The following GAP43 variants were observed in gnomAD, a reference collection of about 807,000 sequenced individuals.
GAP43 encodes neuromodulin.
A neutral mutation model predicts 18.6 loss-of-function variants in GAP43; 6 were observed. That is an observed-to-expected ratio of 0.32 (90% confidence interval 0.18 to 0.64). The LOEUF is 0.64. GAP43 is among the 30% of genes least tolerant of loss of function. The probability of loss-of-function intolerance (pLI) is 0.78; values close to 1 mark genes in which losing one functional copy is unlikely to be tolerated. For synonymous variants in GAP43, 115 were observed against 111.4 expected (o/e 1.03, Z -0.20); for missense variants, 292 against 295.5 (o/e 0.99, Z 0.09).
intron 2 of GAP43, among the ~76,000 whole-genome samples, chr3:115,683,775 G>A (rs1034973060): frequency 3.3e-5 from 5 of 152,274 alleles, no homozygotes; most frequent in Non-Finnish European, 5.9e-5. Context: ...TCGGTAGACT[G>A]TCATTAAAAC....
chr3:115,692,495 G>C (rs774182783), intron 2 of GAP43, among the ~76,000 whole-genome samples: 1 of 152,208 alleles, frequency 6.6e-6, no homozygotes, highest in Non-Finnish European at 1.5e-5. Context: ...CTCAGTACCA[G>C]TATAGAACAA....
chr3:115,630,856 A>T (rs909121001), intron 1 of GAP43, among the ~76,000 whole-genome samples: 4 of 152,210 alleles, frequency 2.6e-5, no homozygotes, highest in African/African-American at 9.7e-5. Context: ...CTTTCTAAAA[A>T]GTACTTATAG....
At chr3:115,686,875 A>G (rs915166163) in intron 2 of GAP43, among the ~76,000 whole-genome samples, 2 of 152,182 alleles carry the variant, frequency 1.3e-5, no homozygotes, top group African/African-American at 4.8e-5. Flanking sequence ...CCCTCATACT[A>G]ATTTTTAGTG....
intron 1 of GAP43, among the ~76,000 whole-genome samples, chr3:115,643,847 C>T (rs1708427822): frequency 6.6e-6 from 1 of 152,028 alleles, no homozygotes; most frequent in Non-Finnish European, 1.5e-5. Context: ...CTTATATTTC[C>T]TGGAACCTAG....
intron 1 of GAP43, among the ~76,000 whole-genome samples, chr3:115,669,247 CT>C (rs1296386308): frequency 6.6e-6 from 1 of 152,122 alleles, no homozygotes; most frequent in Non-Finnish European, 1.5e-5. Flanking sequence ...TGTTAAACCT[CT>C]GCTTACTAAT....
At chr3:115,631,674 G>A (rs1708261086) in intron 1 of GAP43, among the ~76,000 whole-genome samples, 1 of 152,170 alleles carries the variant, frequency 6.6e-6, no homozygotes. Context: ...AGACTGGAGT[G>A]CAGTGGTGTG....
intron 2 of GAP43, among the ~76,000 whole-genome samples, chr3:115,699,789 G>C (rs1442019673): frequency 4.6e-5 from 7 of 152,168 alleles, no homozygotes; most frequent in Non-Finnish European, 8.8e-5. Flanking sequence ...AGGAAACAGT[G>C]CCACTAGTCT....
chr3:115,624,255 T>TA (rs1708155379), intron 1 of GAP43, among the ~76,000 whole-genome samples: 2 of 152,008 alleles, frequency 1.3e-5, no homozygotes, highest in Admixed American at 1.3e-4. Context: ...TCTTATTTAT[T>TA]TAGTATTTAT....
intron 2 of GAP43, among the ~76,000 whole-genome samples, chr3:115,714,895 A>G (rs1361636725): frequency 6.6e-6 from 1 of 151,986 alleles, no homozygotes; most frequent in Non-Finnish European, 1.5e-5. Flanking sequence ...ACACACACAC[A>G]CATACAGCCC....
intron 2 of GAP43, among the ~76,000 whole-genome samples, chr3:115,697,880 A>G (rs1010093272): frequency 1.3e-5 from 2 of 149,408 alleles, no homozygotes; most frequent in Non-Finnish European, 1.5e-5. Context: ...AGTATGTTAA[A>G]TTTGCTTACA....
intron 1 of GAP43, among the ~76,000 whole-genome samples, chr3:115,625,250 T>C (rs6768817): frequency 0.018 from 2,587 of 143,516 alleles, 70 homozygotes; most frequent in African/African-American, 0.064. Context: ...CTGGATTGTG[T>C]GGGGCTATTT....
chr3:115,672,889 T>G (rs1708832235), intron 1 of GAP43, among the ~76,000 whole-genome samples: 1 of 152,194 alleles, frequency 6.6e-6, no homozygotes, highest in East Asian at 1.9e-4. Context: ...TCTCTAATGA[T>G]GAAGTCCAGC....
Position 115,640,263 on chromosome 3 carries a change from T to G in GAP43, c.30+16544T>G, listed in dbSNP as rs189383184. ...CTTTTTTTCCATTGTACTTTAAAAT[T>G]TTTAATTATGTCGAAGGTGAAGAAG... On this transcript the variant is annotated intron_variant, in intron 1 of 2. Transcript: ENST00000305124. 2.3e-3 allele frequency among the ~76,000 whole-genome samples: 352 copies of G among 152,176 alleles called. 2 individuals are homozygous for G. Among genetic ancestry groups the G allele is most frequent in the Middle Eastern group, 6.8e-3 (2 of 294 alleles).
chr3:115,702,325 GA>G (rs1709306696), intron 2 of GAP43, among the ~76,000 whole-genome samples: 1 of 152,056 alleles, frequency 6.6e-6, no homozygotes, highest in Admixed American at 6.6e-5. Flanking sequence ...GGTCAGGATT[GA>G]AGTCATTAGA....
intron 1 of GAP43, among the ~76,000 whole-genome samples, chr3:115,627,530 G>A (rs1375280269): frequency 6.6e-6 from 1 of 151,686 alleles, no homozygotes; most frequent in African/African-American, 2.4e-5. Flanking sequence ...TTAATCCACA[G>A]ACTTCAGAAT....
At chr3:115,717,685 T>C (rs1361407785) in intron 2 of GAP43, among the ~76,000 whole-genome samples, 2 of 150,088 alleles carry the variant, frequency 1.3e-5, no homozygotes, top group East Asian at 1.9e-4. Context: ...TTTTTTTTTT[T>C]CTCAGTACCT....
intron 2 of GAP43, among the ~76,000 whole-genome samples, chr3:115,704,293 G>C (rs143322979): frequency 6.6e-6 from 1 of 151,986 alleles, no homozygotes; most frequent in Non-Finnish European, 1.5e-5. Flanking sequence ...ATAGTGCAAC[G>C]ATCTCTTAAA....
In GAP43 at chr3:115,676,601, G is replaced by A. The variant is rs771144272; in HGVS notation, c.619G>A (p.Glu207Lys). The A allele has an allele frequency of 1.3e-6, 2 of 1,589,558 alleles. No individual in the cohort carries two copies. Among genetic ancestry groups the A allele is most frequent in the South Asian group, 2.3e-5 (2 of 88,836 alleles). The part of the protein sequence containing the change: ...TETGESSQAE[E>K]NIEAVDETKP... ...GACTGGGGAGAGCAGCCAAGCTGAA[G>A]AGAACATAGGTGAGCAACCGCGAGG... The change falls in exon 2 of 3, where the codon GAG becomes AAG. Residue 207 changes from glutamate to lysine, a missense_variant. Transcript: ENST00000305124.
intron 1 of GAP43, among the ~76,000 whole-genome samples, chr3:115,645,968 T>C (rs928292015): frequency 3.3e-5 from 5 of 152,110 alleles, no homozygotes; most frequent in Non-Finnish European, 7.4e-5. Context: ...TAATGGTCAA[T>C]TGTCACTTAT....
Sources: allele counts gnomAD v4.1 joint callset (sites outside exome capture counted in the v4.1 genomes callset), GRCh38; gene constraint gnomAD v4.1.1; transcripts MANE v1.5; gene names NCBI Gene and HGNC (gene_info 2026-07-23, HGNC 2026-07-21).